SH3D19: variants seen among roughly 807,000 people sequenced by gnomAD.
SH3D19 encodes the protein SH3 domain-containing protein 19.
SH3D19 carries 58 observed loss-of-function variants against 112.1 expected under a neutral mutation model. The observed-to-expected ratio is 0.52, with a 90% CI of 0.42 to 0.64. SH3D19 has a LOEUF of 0.64. SH3D19 is among the 30% of genes least tolerant of loss of function. The pLI, the probability that SH3D19 is intolerant of heterozygous loss-of-function variation, is 0.00. For synonymous variants in SH3D19, 391 were observed against 448.5 expected (o/e 0.87, Z 1.62); for missense variants, 1,090 against 1,263.4 (o/e 0.86, Z 2.08).
chr4:151,168,498 A>G (rs1758501153), intron 7 of SH3D19, among the ~76,000 whole-genome samples: 1 of 151,550 alleles, frequency 6.6e-6, no homozygotes, highest in African/African-American at 2.4e-5. Context: ...GCAGTGGTGC[A>G]ATCACGACTC....
At position 151,165,687 on chromosome 4, in the gene SH3D19, T is replaced by C; in HGVS notation, c.1544A>G (p.Gln515Arg). 1 of 1,613,942 alleles carries C rather than the reference T, an allele frequency of 6.2e-7. No individual in the cohort carries two copies. Among genetic ancestry groups the C allele is most frequent in the South Asian group, 1.1e-5 (1 of 91,076 alleles). ...TATTGGTTCTGTTTTTGCAGGGAGCTGAAAGGGATCTAATGAAAAACATAG... is the reference window on the plus strand; with the variant it reads ...TATTGGTTCTGTTTTTGCAGGGAGCCGAAAGGGATCTAATGAAAAACATAG... The part of the protein sequence containing the change: ...VGSEMVLDPF[Q>R]LPAKTEPIKE... Residue 515 changes from glutamine (Q) to arginine (R), a missense_variant, in exon 8 of 20, where the codon CAG becomes CGG. Coordinates refer to ENST00000604030, the MANE Select transcript of SH3D19 (RefSeq NM_001378122.1).
intron 3 of SH3D19, among the ~76,000 whole-genome samples, chr4:151,182,522 A>AG (rs1238039859): frequency 6.6e-6 from 1 of 152,198 alleles, no homozygotes; most frequent in African/African-American, 2.4e-5. Flanking sequence ...AAGAACATGG[A>AG]GGGGTCTTGC....
intron 1 of SH3D19, chr4:151,277,346 G>T (rs552607449): frequency 1.5e-6 from 1 of 651,312 alleles, no homozygotes; most frequent in African/African-American, 1.8e-5. Flanking sequence ...AGCCTGAGAA[G>T]GTCCTGAGAG....
intron 1 of SH3D19, among the ~76,000 whole-genome samples, chr4:151,292,212 T>C (rs1423581460): frequency 6.6e-6 from 1 of 151,558 alleles, no homozygotes. Flanking sequence ...GGTGGAAGGA[T>C]AGCTTGAGAC....
At chr4:151,253,492 G>C (rs1039465934) in intron 1 of SH3D19, among the ~76,000 whole-genome samples, 1 of 152,192 alleles carries the variant, frequency 6.6e-6, no homozygotes, top group African/African-American at 2.4e-5. Flanking sequence ...TGTAATCCCA[G>C]CACTTCGGGA....
intron 1 of SH3D19, among the ~76,000 whole-genome samples, chr4:151,316,569 C>A (rs1244489713): frequency 6.6e-6 from 1 of 151,664 alleles, no homozygotes; most frequent in Non-Finnish European, 1.5e-5. Context: ...TTCTAAAAAA[C>A]ATTTAATTTT....
intron 1 of SH3D19, among the ~76,000 whole-genome samples, chr4:151,255,306 C>T (rs1316761657): frequency 6.7e-6 from 1 of 149,844 alleles, no homozygotes; most frequent in Non-Finnish European, 1.5e-5. Context: ...CCTCACTTCT[C>T]AGACGGGGCG....
chr4:151,265,585 T>C (rs1580357139), intron 1 of SH3D19, among the ~76,000 whole-genome samples: 2 of 147,864 alleles, frequency 1.4e-5, no homozygotes, highest in African/African-American at 5.0e-5. Flanking sequence ...TTTTTTTTTT[T>C]TTTTTTTTAA....
At chr4:151,175,876 CTT>C (rs754178916) in intron 6 of SH3D19, among the ~76,000 whole-genome samples, 4 of 146,460 alleles carry the variant, frequency 2.7e-5, no homozygotes, top group Non-Finnish European at 1.5e-5. Flanking sequence ...TCATATAACA[CTT>C]TTTTTTTTTT....
intron 4 of SH3D19, 110 bp downstream of exon 4, chr4:151,179,245 T>G: frequency 1.9e-6 from 1 of 534,946 alleles, no homozygotes; most frequent in Non-Finnish European, 2.8e-6. Flanking sequence ...TGAAGCAGAA[T>G]ACAAGAATAC....
chr4:151,162,458 A>G (rs903734246), intron 8 of SH3D19, among the ~76,000 whole-genome samples: 33 of 151,870 alleles, frequency 2.2e-4, no homozygotes, highest in African/African-American at 8.0e-4. Flanking sequence ...CTTTGTCAGG[A>G]TAATAATTAA....
At chr4:151,127,557 A>G in intron 19 of SH3D19, 61 bp downstream of exon 19, 1 of 1,013,060 alleles carries the variant, frequency 9.9e-7, no homozygotes, top group South Asian at 1.7e-5. Context: ...CCATCCTTCA[A>G]TGGAAAACAT....
At chr4:151,291,647 G>A (rs180926758) in intron 1 of SH3D19, among the ~76,000 whole-genome samples, 1 of 152,128 alleles carries the variant, frequency 6.6e-6, no homozygotes, top group Admixed American at 6.5e-5. Context: ...CTATGAATAA[G>A]CATTTGTAGA....
intron 1 of SH3D19, among the ~76,000 whole-genome samples, chr4:151,265,068 A>T (rs1036195206): frequency 5.3e-5 from 8 of 152,004 alleles, no homozygotes; most frequent in Non-Finnish European, 8.8e-5. Context: ...TAATTACATA[A>T]TAATAAATTA....
chr4:151,287,106 C>T (rs761222176), intron 1 of SH3D19, among the ~76,000 whole-genome samples: 5 of 151,364 alleles, frequency 3.3e-5, no homozygotes, highest in African/African-American at 9.7e-5. Context: ...TTTGGGAGGC[C>T]GAGGCAGGCA....
intron 1 of SH3D19, among the ~76,000 whole-genome samples, chr4:151,301,393 A>G (rs932351931): frequency 5.3e-5 from 8 of 152,108 alleles, no homozygotes; most frequent in Admixed American, 1.3e-4. Context: ...ACACCCAGCT[A>G]ATTTTGTATT....
intron 7 of SH3D19, 141 bp downstream of exon 7, chr4:151,174,529 T>C (rs1433803130): frequency 3.0e-6 from 2 of 668,738 alleles, no homozygotes; most frequent in Non-Finnish European, 4.5e-6. Context: ...ATTCCTCTGT[T>C]TCTATACACA....
chr4:151,234,735 G>GTTTGTTTTTTT (rs1561387745), intron 1 of SH3D19, among the ~76,000 whole-genome samples: 1 of 25,080 alleles, frequency 4.0e-5, no homozygotes, highest in African/African-American at 9.3e-5. Flanking sequence ...CCAAGTTTGT[G>GTTTGTTTTTTT]TTTTTTTTTT....
intron 1 of SH3D19, among the ~76,000 whole-genome samples, chr4:151,292,189 CT>C (rs1226313471): frequency 6.6e-6 from 1 of 151,904 alleles, no homozygotes; most frequent in African/African-American, 2.4e-5. Context: ...GTCTCAGCTA[CT>C]TGGGAAGCTG....
Sources: gnomAD v4.1 joint callset for allele counts (sites outside exome capture counted in the v4.1 genomes callset) on GRCh38, gnomAD v4.1.1 for gene constraint, MANE v1.5 for transcripts, NCBI Gene and HGNC (gene_info 2026-07-23, HGNC 2026-07-21) for gene names.